The following RBMS3 variants were observed in gnomAD, a reference collection of about 807,000 sequenced individuals.
The protein encoded by RBMS3 is RNA-binding motif, single-stranded-interacting protein 3.
In RBMS3, 27 loss-of-function variants were observed where a neutral mutation model predicts 66.8. That is an observed-to-expected ratio of 0.40 (90% CI 0.30 to 0.56). RBMS3 has a LOEUF of 0.56. RBMS3 is among the 20% of genes least tolerant of loss of function. RBMS3 has a pLI of 0.40. For missense variants in RBMS3, 513 were observed against 549.5 expected (o/e 0.93, Z 0.66); for synonymous variants, 188 against 183.0 (o/e 1.03, Z -0.22).
intron 3 of RBMS3, among the ~76,000 whole-genome samples, chr3:29,511,927 G>A (rs543297859): frequency 6.6e-6 from 1 of 151,972 alleles, no homozygotes; most frequent in South Asian, 2.1e-4. Context: ...TCCCTGGAGA[G>A]AAGAAGTTAG....
intron 2 of RBMS3, among the ~76,000 whole-genome samples, chr3:29,488,184 A>T (rs2043393083): frequency 6.6e-6 from 1 of 152,190 alleles, no homozygotes; most frequent in Non-Finnish European, 1.5e-5. Context: ...ATCACATGTG[A>T]TCCTCTTTTG....
intron 12 of RBMS3, among the ~76,000 whole-genome samples, chr3:29,966,995 T>C (rs929189748): frequency 6.6e-6 from 1 of 152,250 alleles, no homozygotes; most frequent in Non-Finnish European, 1.5e-5. Context: ...ATCACACTTA[T>C]TGACTTGTGT....
intron 4 of RBMS3, among the ~76,000 whole-genome samples, chr3:29,728,819 T>G (rs2053999425): frequency 6.6e-6 from 1 of 152,158 alleles, no homozygotes; most frequent in Non-Finnish European, 1.5e-5. Context: ...AATGTAGAGC[T>G]GACTGCTTCC....
intron 1 of RBMS3, among the ~76,000 whole-genome samples, chr3:29,360,212 C>T (rs1373494810): frequency 6.6e-6 from 1 of 151,216 alleles, no homozygotes; most frequent in Non-Finnish European, 1.5e-5. Flanking sequence ...CTACACACTG[C>T]TTTAAATGTG....
chr3:29,347,192 CATTTT>C (rs2036629078), intron 1 of RBMS3, among the ~76,000 whole-genome samples: 1 of 152,186 alleles, frequency 6.6e-6, no homozygotes, highest in African/African-American at 2.4e-5. Flanking sequence ...TCATTTATTT[CATTTT>C]CTTTTTAAAA....
In RBMS3 at chr3:29,679,935, C is replaced by G. The variant is rs181515946; in HGVS notation, c.400-59785C>G. Among the ~76,000 whole-genome samples, 528 of 152,152 alleles carry G rather than the reference C, an allele frequency of 3.5e-3. 1 individual carries two copies. Among genetic ancestry groups the G allele is most frequent in the African/African-American group, 0.012 (493 of 41,514 alleles). ...GTCTAGCTGCCCTTAAATTGCTAAA[C>G]TGGGGAGAAGTGTGATTTAGAATTG... On this transcript the variant is annotated intron_variant, in intron 4 of 14. Coordinates refer to ENST00000383767, the MANE Select transcript of RBMS3 (RefSeq NM_001003793.3).
At chr3:29,863,623 A>G (rs2059271928) in intron 6 of RBMS3, among the ~76,000 whole-genome samples, 1 of 152,174 alleles carries the variant, frequency 6.6e-6, no homozygotes, top group Admixed American at 6.5e-5. Context: ...ACCTTTAAAA[A>G]AATTGTAAAA....
chr3:29,800,788 T>G (rs1478282004), intron 6 of RBMS3, among the ~76,000 whole-genome samples: 1 of 151,140 alleles, frequency 6.6e-6, no homozygotes, highest in Non-Finnish European at 1.5e-5. Flanking sequence ...ACATCTTACT[T>G]TATAGAAACT....
intron 3 of RBMS3, among the ~76,000 whole-genome samples, chr3:29,578,731 AG>A: frequency 6.6e-6 from 1 of 150,898 alleles, no homozygotes; most frequent in Admixed American, 6.6e-5. Context: ...AAGTTGGCGG[AG>A]GGAATATACA....
At chr3:29,864,671 A>T (rs2059301010) in intron 6 of RBMS3, among the ~76,000 whole-genome samples, 1 of 152,190 alleles carries the variant, frequency 6.6e-6, no homozygotes, top group African/African-American at 2.4e-5. Flanking sequence ...AATCAGTAAT[A>T]ATCTTTGCAG....
At chr3:29,413,378 A>G (rs560164838) in intron 1 of RBMS3, among the ~76,000 whole-genome samples, 3 of 100,310 alleles carry the variant, frequency 3.0e-5, no homozygotes, top group Non-Finnish European at 4.6e-5. Flanking sequence ...TCATTCATAC[A>G]TACATACATA....
rs2049206639 is a variant in RBMS3 at position 29,629,584 on chromosome 3, GC to G, written c.399+42380del. ...TCAAGATAATGAGCAGATTCAGATA[GC>G]ATGGTTTTTAAATACAGTTTATCTA... On this transcript the variant is annotated intron_variant, in intron 4 of 14. Transcript: ENST00000383767. 2.6e-5 allele frequency among the ~76,000 whole-genome samples: 4 copies of G among 152,168 alleles called. No individual in the cohort carries two copies. In the South Asian group the frequency reaches 8.3e-4, roughly 32 times the overall value.
rs182546838 is a variant in RBMS3 at position 29,681,179 on chromosome 3, T to G, written c.400-58541T>G. Among the ~76,000 whole-genome samples the G allele has an allele frequency of 2.1e-3, 322 of 152,350 alleles. 7 individuals carry two copies. The highest frequency in any genetic ancestry group is 0.019 in the Admixed American group (297 of 15,302). On this transcript the variant is annotated intron_variant, in intron 4 of 14. Coordinates refer to ENST00000383767, the MANE Select transcript of RBMS3 (RefSeq NM_001003793.3). ...ACTTGTTGGCCTATATATCCTGCAC[T>G]TACTGAATGATTTCTTAAATGTTCT...
intron 14 of RBMS3, among the ~76,000 whole-genome samples, chr3:30,001,682 AATAC>A (rs1699615444): frequency 6.6e-6 from 1 of 152,002 alleles, no homozygotes; most frequent in African/African-American, 2.4e-5. Context: ...ATATTGTAAT[AATAC>A]ATTGTATGTG....
intron 1 of RBMS3, among the ~76,000 whole-genome samples, chr3:29,282,638 TA>T (rs540024413): frequency 2.2e-4 from 34 of 152,166 alleles, no homozygotes; most frequent in African/African-American, 8.2e-4. Flanking sequence ...TGGACTTGAT[TA>T]GGGGGAAAAC....
chr3:29,860,383 T>G (rs17024502), intron 6 of RBMS3, among the ~76,000 whole-genome samples: 18,187 of 152,206 alleles, frequency 0.12, 1,160 homozygotes, highest in East Asian at 0.15. Context: ...CCAGAGTAAG[T>G]GACCGTTGAC....
intron 5 of RBMS3, among the ~76,000 whole-genome samples, chr3:29,744,785 G>GAAA (rs1553655159): frequency 0.023 from 3,202 of 138,106 alleles, 59 homozygotes; most frequent in Middle Eastern, 0.053. Context: ...CTCCGTCTCG[G>GAAA]AAAAAAAAAA....
At chr3:29,912,006 A>G (rs561087239) in intron 10 of RBMS3, among the ~76,000 whole-genome samples, 15 of 149,072 alleles carry the variant, frequency 1.0e-4, no homozygotes, top group African/African-American at 2.8e-4. Context: ...TAGATAGATA[A>G]ATAGATGATA....
At chr3:29,456,394 C>G (rs1019477220) in intron 2 of RBMS3, among the ~76,000 whole-genome samples, 2 of 152,132 alleles carry the variant, frequency 1.3e-5, no homozygotes, top group African/African-American at 4.8e-5. Context: ...AGGCACATCA[C>G]GAGCACAAAT....
Sources: allele counts gnomAD v4.1 joint callset (sites outside exome capture counted in the v4.1 genomes callset), GRCh38; gene constraint gnomAD v4.1.1; transcripts MANE v1.5; gene names NCBI Gene and HGNC (gene_info 2026-07-23, HGNC 2026-07-21).